ZNF536: variants seen among roughly 807,000 people sequenced by gnomAD.
ZNF536 encodes zinc finger protein 536.
A neutral mutation model predicts 84.5 loss-of-function variants in ZNF536; 13 were observed. That is an observed-to-expected ratio of 0.15 (90% CI 0.10 to 0.24). The LOEUF is 0.24. Among genes scored for constraint, ZNF536 ranks in the 10% least tolerant of loss-of-function variants. ZNF536 has a pLI of 1.00. For missense variants in ZNF536, 1,536 were observed against 1,747.5 expected, an observed-to-expected ratio of 0.88 and a Z score of 2.16; for synonymous variants, 811 against 742.5, an observed-to-expected ratio of 1.09 and a Z score of -1.50.
chr19:30,370,492 G>A (rs2048575854), upstream of ZNF536, among the ~76,000 whole-genome samples: 2 of 152,146 alleles, frequency 1.3e-5, no homozygotes, highest in South Asian at 4.1e-4. Context: ...ATGGATTGCT[G>A]GCGGAACACT....
At chr19:30,528,921 G>A (rs1228360057) in intron 2 of ZNF536, among the ~76,000 whole-genome samples, 2 of 145,454 alleles carry the variant, frequency 1.4e-5, no homozygotes, top group Admixed American at 6.8e-5. Flanking sequence ...GAGAATGAGA[G>A]GCCAAAAAAA....
At chr19:30,349,443 C>T (rs2047859564) in intron 2 of ZNF536, among the ~76,000 whole-genome samples, 2 of 152,158 alleles carry the variant, frequency 1.3e-5, no homozygotes, top group East Asian at 3.9e-4. Flanking sequence ...AAGGTACAGT[C>T]CTTCCCCATG....
chr19:30,384,260 CTTCT>C (rs1484862019), intron 1 of ZNF536, among the ~76,000 whole-genome samples: 21 of 63,170 alleles, frequency 3.3e-4, no homozygotes, highest in Non-Finnish European at 4.4e-4. Context: ...CCCTCCCTTT[CTTCT>C]TTCTTTCTTT....
At chr19:30,368,604 G>A (rs1433965531), upstream of ZNF536, among the ~76,000 whole-genome samples, 2 of 152,206 alleles carry the variant, frequency 1.3e-5, no homozygotes, top group South Asian at 2.1e-4. Flanking sequence ...GCAAAAGCAG[G>A]AATCTCTATT....
intron 2 of ZNF536, among the ~76,000 whole-genome samples, chr19:30,522,882 A>G (rs1385249683): frequency 6.6e-6 from 1 of 152,210 alleles, no homozygotes; most frequent in Non-Finnish European, 1.5e-5. Flanking sequence ...ATATATTTTA[A>G]ACAGCAACCG....
downstream of ZNF536, chr19:30,713,560 C>A (rs1241534362): frequency 6.6e-6 from 1 of 152,094 alleles, no homozygotes; most frequent in African/African-American, 2.4e-5. Flanking sequence ...TTTCTTTCTG[C>A]TGTTAGAATA....
At chr19:30,432,492 G>C (rs1319074155) in intron 1 of ZNF536, among the ~76,000 whole-genome samples, 1 of 152,102 alleles carries the variant, frequency 6.6e-6, no homozygotes. Context: ...GGATGGAGTT[G>C]GGCTCACAGC....
intron 4 of ZNF536, among the ~76,000 whole-genome samples, chr19:30,551,396 C>A (rs192727782): frequency 1.2e-4 from 18 of 152,284 alleles, no homozygotes; most frequent in Non-Finnish European, 2.2e-4. Flanking sequence ...GGGAGCCTGC[C>A]GGGTCTTGAG....
intron 2 of ZNF536, among the ~76,000 whole-genome samples, chr19:30,322,606 C>G (rs1270085419): frequency 2.0e-5 from 3 of 152,192 alleles, no homozygotes; most frequent in African/African-American, 7.2e-5. Context: ...TCCTAAGGAA[C>G]CATCCTTTTC....
At chr19:30,535,037 G>A (rs2145941075) in intron 3 of ZNF536, 38 bp downstream of exon 3, 2 of 1,576,750 alleles carry the variant, frequency 1.3e-6, no homozygotes, top group Non-Finnish European at 1.7e-6. Context: ...ACAGCCCAGA[G>A]AAGGAGGAGG....
At chr19:30,347,504 G>C (rs1450253902) in intron 2 of ZNF536, among the ~76,000 whole-genome samples, 1 of 152,194 alleles carries the variant, frequency 6.6e-6, no homozygotes, top group Non-Finnish European at 1.5e-5. Flanking sequence ...TGGGGTGCCA[G>C]GGCCATGAGC....
Position 30,611,070 on chromosome 19 carries a change from A to G in ZNF536, c.169+61556A>G, listed in dbSNP as rs149533931. Among the ~76,000 whole-genome samples, 269 of 152,282 alleles carry G rather than the reference A, an allele frequency of 1.8e-3. 4 individuals are homozygous for G. Among genetic ancestry groups the G allele is most frequent in the Admixed American group, 0.01 (158 of 15,302 alleles). On this transcript the variant is annotated intron_variant, in intron 1 of 1. Transcript: ENST00000592773. Reference sequence around the variant, plus strand: ...TTTGTGTGTAGACAACTTGTGGAAAATAGGAAGGTCGTTGTTAGGATAGGG... The same window carrying G: ...TTTGTGTGTAGACAACTTGTGGAAAGTAGGAAGGTCGTTGTTAGGATAGGG...
chr19:30,419,887 G>T (rs1019313625), intron 1 of ZNF536, among the ~76,000 whole-genome samples: 1 of 152,188 alleles, frequency 6.6e-6, no homozygotes, highest in African/African-American at 2.4e-5. Context: ...AACCCGGGAA[G>T]CTCAGTGAAG....
chr19:30,701,180 A>G (rs1021846138), intron 1 of ZNF536, among the ~76,000 whole-genome samples: 1 of 132,998 alleles, frequency 7.5e-6, no homozygotes, highest in East Asian at 2.2e-4. Flanking sequence ...TGCATGTGCT[A>G]TATCTCACTC....
At chr19:30,334,136 A>AG (rs1205520476) in intron 2 of ZNF536, among the ~76,000 whole-genome samples, 1 of 152,220 alleles carries the variant, frequency 6.6e-6, no homozygotes, top group African/African-American at 2.4e-5. Context: ...GGTAGCAAAA[A>AG]GAAACAGAAG....
intron 1 of ZNF536, among the ~76,000 whole-genome samples, chr19:30,266,818 G>A (rs902438908): frequency 2.6e-5 from 4 of 151,946 alleles, no homozygotes; most frequent in African/African-American, 4.8e-5. Flanking sequence ...TAAAATTAAC[G>A]GATTTTTTTT....
chr19:30,441,243 T>C (rs2052033510), intron 1 of ZNF536, among the ~76,000 whole-genome samples: 1 of 152,264 alleles, frequency 6.6e-6, no homozygotes, highest in Admixed American at 6.5e-5. Context: ...GCCAGCCCTG[T>C]TGGCCTTGGA....
intron 1 of ZNF536, among the ~76,000 whole-genome samples, chr19:30,629,925 C>T (rs556347507): frequency 1.3e-5 from 2 of 152,334 alleles, no homozygotes; most frequent in Admixed American, 6.5e-5. Flanking sequence ...TGAGCAACCC[C>T]GTGCCATCCA....
rs192487633 is a variant in ZNF536 at position 30,495,978 on chromosome 19, T to C, written c.2171-38869T>C. On this transcript the variant is annotated intron_variant, in intron 2 of 4. Transcript: ENST00000355537. ...TGCAATGATAATTTTGTTTCTTGCT[T>C]GTACTGCAACAGCCTCCATAATGAT... 4.6e-5 allele frequency among the ~76,000 whole-genome samples: 7 copies of C among 152,330 alleles called. No homozygotes were observed. The East Asian group carries it at 1.4e-3, about 29-fold the overall frequency.
Sources: allele counts gnomAD v4.1 joint callset (sites outside exome capture counted in the v4.1 genomes callset), GRCh38; gene constraint gnomAD v4.1.1; transcripts MANE v1.5; gene names NCBI Gene and HGNC (gene_info 2026-07-23, HGNC 2026-07-21).